Variants in GALNTL6 observed in about 807,000 individuals in gnomAD.
GALNTL6 encodes polypeptide N-acetylgalactosaminyltransferase like 6.
In GALNTL6, 46 loss-of-function variants were observed where a neutral mutation model predicts 73.7. The ratio of observed to expected loss-of-function variants is 0.62; its 90% CI spans 0.49 to 0.80. GALNTL6 has a LOEUF of 0.80. Among genes scored for constraint, GALNTL6 ranks in the 30% least tolerant of loss-of-function variants. The pLI is 0.00. For synonymous variants in GALNTL6, 259 were observed against 263.7 expected (o/e 0.98, Z 0.17); for missense variants, 604 against 755.0 (o/e 0.80, Z 2.34).
intron 2 of GALNTL6, among the ~76,000 whole-genome samples, chr4:172,165,655 T>C (rs970084600): frequency 6.6e-6 from 1 of 152,196 alleles, no homozygotes; most frequent in African/African-American, 2.4e-5. Context: ...CCTGAAAGTA[T>C]ATCAAGGGTA....
chr4:171,954,746 C>T (rs991669282), intron 2 of GALNTL6, among the ~76,000 whole-genome samples: 21 of 152,040 alleles, frequency 1.4e-4, no homozygotes, highest in African/African-American at 4.8e-4. Context: ...GGTGGAGGGG[C>T]ATGGTGAGAG....
chr4:172,339,257 C>CCACACACACACACACACACACA (rs70941402), intron 4 of GALNTL6, among the ~76,000 whole-genome samples: 20 of 121,006 alleles, frequency 1.7e-4, no homozygotes, highest in East Asian at 8.3e-4. Flanking sequence ...CACACACACA[C>CCACACACACACACACACACACA]CACACACACA....
At chr4:172,995,974 A>T (rs1751761006) in intron 10 of GALNTL6, among the ~76,000 whole-genome samples, 1 of 152,172 alleles carries the variant, frequency 6.6e-6, no homozygotes, top group Non-Finnish European at 1.5e-5. Context: ...TCTTTCCTTG[A>T]CTTTATGAAA....
At chr4:172,151,867 A>G (rs1734096637) in intron 2 of GALNTL6, among the ~76,000 whole-genome samples, 1 of 150,642 alleles carries the variant, frequency 6.6e-6, no homozygotes, top group African/African-American at 2.4e-5. Context: ...TGCCTTTTCC[A>G]TATATATATA....
intron 5 of GALNTL6, among the ~76,000 whole-genome samples, chr4:172,383,411 A>G (rs992453203): frequency 6.6e-6 from 1 of 152,052 alleles, no homozygotes. Context: ...TAGACTTTTC[A>G]TTACTAATGT....
rs548094081 is a variant in GALNTL6 at position 172,931,576 on chromosome 4, C to G, written c.1149+308C>G. On this transcript the variant is annotated intron_variant, in intron 9 of 12. Coordinates refer to ENST00000506823, the MANE Select transcript of GALNTL6 (RefSeq NM_001034845.3). ...TGAACTAGGTGCTTGTTCATGCTCA[C>G]ATGAATGCCAAATAGCAGAGTAGGT... Among the ~76,000 whole-genome samples the G allele has an allele frequency of 1.1e-4, 17 of 152,274 alleles. No homozygotes were observed. In the East Asian group the frequency reaches 2.1e-3, roughly 19 times the overall value.
At chr4:172,439,043 T>A (rs1271668928) in intron 5 of GALNTL6, among the ~76,000 whole-genome samples, 1 of 152,000 alleles carries the variant, frequency 6.6e-6, no homozygotes, top group Non-Finnish European at 1.5e-5. Flanking sequence ...CTCTCTCTCA[T>A]TGTTATAAAT....
At chr4:172,291,265 C>T (rs749314974) in intron 3 of GALNTL6, among the ~76,000 whole-genome samples, 1 of 151,898 alleles carries the variant, frequency 6.6e-6, no homozygotes, top group African/African-American at 2.4e-5. Flanking sequence ...AATCCCAAAA[C>T]ATAAATTTTC....
At chr4:172,894,650 A>C (rs1746223742) in intron 8 of GALNTL6, among the ~76,000 whole-genome samples, 1 of 152,148 alleles carries the variant, frequency 6.6e-6, no homozygotes, top group Admixed American at 6.5e-5. Flanking sequence ...TCTGTATTGC[A>C]TATTAATTGG....
At chr4:172,385,060 A>C (rs1163917375) in intron 5 of GALNTL6, among the ~76,000 whole-genome samples, 3 of 142,394 alleles carry the variant, frequency 2.1e-5, no homozygotes, top group African/African-American at 7.8e-5. Context: ...GTTATTTAGA[A>C]GTGTGTTCTT....
intron 5 of GALNTL6, among the ~76,000 whole-genome samples, chr4:172,395,626 A>G (rs1353369684): frequency 6.6e-6 from 1 of 152,162 alleles, no homozygotes; most frequent in Non-Finnish European, 1.5e-5. Context: ...TTGACCATGT[A>G]TATTGTGTTA....
intron 2 of GALNTL6, among the ~76,000 whole-genome samples, chr4:172,164,826 A>G (rs546275165): frequency 6.6e-5 from 10 of 152,172 alleles, no homozygotes; most frequent in Non-Finnish European, 1.3e-4. Flanking sequence ...AATGTTTGCT[A>G]TATTATTAGT....
intron 2 of GALNTL6, among the ~76,000 whole-genome samples, chr4:172,147,761 A>G (rs1013972134): frequency 4.6e-5 from 7 of 152,188 alleles, no homozygotes; most frequent in African/African-American, 1.7e-4. Flanking sequence ...TCTCTAAGAA[A>G]TAATACTGAT....
chr4:172,376,090 C>T (rs1429410338), intron 5 of GALNTL6, among the ~76,000 whole-genome samples: 1 of 152,158 alleles, frequency 6.6e-6, no homozygotes, highest in East Asian at 1.9e-4. Flanking sequence ...GGTAGTCTCC[C>T]CTACAACAGG....
chr4:172,553,782 C>T (rs146582274), intron 5 of GALNTL6, among the ~76,000 whole-genome samples: 1 of 152,080 alleles, frequency 6.6e-6, no homozygotes, highest in African/African-American at 2.4e-5. Flanking sequence ...TTTGGCCGGC[C>T]ACAGGGATTC....
At position 172,763,127 on chromosome 4, in the gene GALNTL6, G is replaced by T. The variant is rs116474585; in HGVS notation, c.554-46234G>T. Among the ~76,000 whole-genome samples the T allele has an allele frequency of 3.3e-3, 501 of 151,034 alleles. 4 individuals are homozygous for T. Among genetic ancestry groups the T allele is most frequent in the African/African-American group, 0.012 (477 of 41,122 alleles). ...ACACAGGAGCGGTACTAAGGGAGAA[G>T]AAAACAGTTATTACAGCTGAGTGTC... On this transcript the variant is annotated intron_variant, in intron 5 of 12. Coordinates refer to ENST00000506823, the MANE Select transcript of GALNTL6 (RefSeq NM_001034845.3).
intron 5 of GALNTL6, among the ~76,000 whole-genome samples, chr4:172,600,060 T>C (rs922190936): frequency 3.3e-5 from 5 of 152,100 alleles, no homozygotes; most frequent in Non-Finnish European, 7.4e-5. Flanking sequence ...CTTGTTCCAG[T>C]GTCATAGTAG....
intron 2 of GALNTL6, among the ~76,000 whole-genome samples, chr4:172,214,224 A>C (rs1034201266): frequency 2.0e-5 from 3 of 152,154 alleles, no homozygotes; most frequent in Admixed American, 2.0e-4. Flanking sequence ...GAAATTGGGT[A>C]GTTTGAGTCC....
intron 5 of GALNTL6, among the ~76,000 whole-genome samples, chr4:172,676,872 T>C (rs1732331276): frequency 1.3e-5 from 2 of 152,238 alleles, no homozygotes; most frequent in African/African-American, 4.8e-5. Flanking sequence ...TGTAAGGCAA[T>C]TTCAGGGCTC....
Sources: allele counts gnomAD v4.1 joint callset (sites outside exome capture counted in the v4.1 genomes callset), GRCh38; gene constraint gnomAD v4.1.1; transcripts MANE v1.5; gene names NCBI Gene and HGNC (gene_info 2026-07-23, HGNC 2026-07-21).